COL24A1: variants seen among roughly 807,000 people sequenced by gnomAD.
The protein encoded by COL24A1 is collagen type XXIV alpha 1 chain, also known as collagen alpha-1(XXIV) chain.
COL24A1 carries 224 observed loss-of-function variants against 253.9 expected under a neutral mutation model. The ratio of observed to expected loss-of-function variants is 0.88; its 90% CI spans 0.79 to 0.99. COL24A1 has a LOEUF of 0.99. Ranked by LOEUF, COL24A1 falls within the 50% of genes least tolerant of loss-of-function variation. The probability of loss-of-function intolerance (pLI) is 0.00; values close to 1 mark genes in which losing one functional copy is unlikely to be tolerated. For synonymous variants in COL24A1, 685 were observed against 673.7 expected, an observed-to-expected ratio of 1.02 and a Z score of -0.26; for missense variants, 2,131 against 2,068.5, an observed-to-expected ratio of 1.03 and a Z score of -0.59.
chr1:85,846,061 T>C (rs1272399257), intron 39 of COL24A1, among the ~76,000 whole-genome samples: 1 of 151,564 alleles, frequency 6.6e-6, no homozygotes, highest in Non-Finnish European at 1.5e-5. Context: ...GAGAATAAAG[T>C]AGAAGAAAAA....
chr1:86,077,299 T>A (rs541537567), intron 7 of COL24A1, among the ~76,000 whole-genome samples: 1 of 152,228 alleles, frequency 6.6e-6, no homozygotes, highest in South Asian at 2.1e-4. Flanking sequence ...TACCATCTCA[T>A]GCCAGTTAGA....
chr1:85,796,338 G>A (rs942604907), intron 47 of COL24A1, among the ~76,000 whole-genome samples: 1 of 152,106 alleles, frequency 6.6e-6, no homozygotes, highest in African/African-American at 2.4e-5. Context: ...TAGTGCAAAT[G>A]TCACTATGAT....
chr1:85,975,465 C>G (rs963343326), intron 20 of COL24A1, among the ~76,000 whole-genome samples: 2 of 152,114 alleles, frequency 1.3e-5, no homozygotes, highest in African/African-American at 4.8e-5. Flanking sequence ...TTTGCCACAA[C>G]AAGGCTAGAA....
intron 5 of COL24A1, among the ~76,000 whole-genome samples, chr1:86,106,431 T>G (rs1384951863): frequency 6.6e-6 from 1 of 152,154 alleles, no homozygotes; most frequent in Non-Finnish European, 1.5e-5. Context: ...ATATAAGACA[T>G]GAATGTTTGT....
chr1:86,140,104 G>A (rs1347187262), intron 2 of COL24A1, among the ~76,000 whole-genome samples: 1 of 152,186 alleles, frequency 6.6e-6, no homozygotes, highest in Admixed American at 6.5e-5. Context: ...GTATCCTTAT[G>A]TAACAGGCAC....
At chr1:85,835,640 A>C (rs941441514) in intron 43 of COL24A1, among the ~76,000 whole-genome samples, 1 of 152,212 alleles carries the variant, frequency 6.6e-6, no homozygotes, top group African/African-American at 2.4e-5. Context: ...CTTTTAAAAC[A>C]CTGTGCCAGA....
At chr1:86,026,854 T>C (rs1373410947) in intron 14 of COL24A1, among the ~76,000 whole-genome samples, 1 of 152,168 alleles carries the variant, frequency 6.6e-6, no homozygotes, top group African/African-American at 2.4e-5. Flanking sequence ...GAATGGCTTT[T>C]ATCAAAATCC....
chr1:85,868,872 T>C, intron 35 of COL24A1, 37 bp from the exon 36 acceptor site: 1 of 1,436,416 alleles, frequency 7.0e-7, no homozygotes. Flanking sequence ...TGAGTTTTTT[T>C]TTGCTATATC....
At chr1:85,888,796 G>A (rs982161361) in intron 32 of COL24A1, among the ~76,000 whole-genome samples, 16 of 152,104 alleles carry the variant, frequency 1.1e-4, no homozygotes, top group Admixed American at 7.2e-4. Flanking sequence ...TTTAGTGTTA[G>A]AATTTTCCAT....
intron 47 of COL24A1, among the ~76,000 whole-genome samples, chr1:85,797,207 C>CA (rs1181001829): frequency 0.45 from 29,152 of 65,250 alleles, 6,062 homozygotes; most frequent in East Asian, 0.53. Context: ...GACTCCGTCT[C>CA]AAAAAAAAAA....
intron 22 of COL24A1, among the ~76,000 whole-genome samples, 183 bp from the exon 23 acceptor site, chr1:85,965,245 T>C (rs767199619): frequency 2.0e-5 from 3 of 152,112 alleles, no homozygotes; most frequent in South Asian, 2.1e-4. Flanking sequence ...CTGTCTACTA[T>C]GTGCCATGAA....
At chr1:85,784,812 C>A (rs893229709) in intron 48 of COL24A1, among the ~76,000 whole-genome samples, 1 of 151,996 alleles carries the variant, frequency 6.6e-6, no homozygotes, top group African/African-American at 2.4e-5. Context: ...CTTACTGCAG[C>A]CTTAAACTCC....
intron 39 of COL24A1, among the ~76,000 whole-genome samples, chr1:85,842,932 G>T (rs1221192894): frequency 6.6e-6 from 1 of 152,080 alleles, no homozygotes; most frequent in Non-Finnish European, 1.5e-5. Flanking sequence ...TTTATAGATG[G>T]TGAAACCATG....
chr1:85,945,020 T>TTTTTTTTTTTTG (rs1689184324), intron 24 of COL24A1, among the ~76,000 whole-genome samples: 1 of 91,622 alleles, frequency 1.1e-5, no homozygotes, highest in African/African-American at 3.9e-5. Flanking sequence ...TTTTTTTTTT[T>TTTTTTTTTTTTG]TTTTTTTTTT....
intron 24 of COL24A1, among the ~76,000 whole-genome samples, chr1:85,918,130 T>G (rs985489664): frequency 1.5e-5 from 1 of 68,732 alleles, no homozygotes; most frequent in Admixed American, 2.1e-4. Context: ...GTGGTTTTTG[T>G]TTTTTTTTTT....
chr1:86,058,476 T>G (rs1481804376), intron 9 of COL24A1, among the ~76,000 whole-genome samples: 11 of 151,214 alleles, frequency 7.3e-5, no homozygotes, highest in Admixed American at 5.9e-4. Flanking sequence ...GGAATTTTGT[T>G]AACAATTTTT....
intron 55 of COL24A1, among the ~76,000 whole-genome samples, chr1:85,747,879 T>C (rs748747225): frequency 6.6e-6 from 1 of 152,204 alleles, no homozygotes; most frequent in African/African-American, 2.4e-5. Context: ...GTCTGTTTTA[T>C]ACTTTCATAG....
intron 24 of COL24A1, among the ~76,000 whole-genome samples, chr1:85,926,925 G>A (rs1687319451): frequency 6.6e-6 from 1 of 152,146 alleles, no homozygotes; most frequent in South Asian, 2.1e-4. Context: ...TCTGTGTGAT[G>A]TGGGAAGGTT....
chr1:85,867,494 A>C (rs1679920313), intron 37 of COL24A1, among the ~76,000 whole-genome samples: 1 of 152,246 alleles, frequency 6.6e-6, no homozygotes, highest in Non-Finnish European at 1.5e-5. Context: ...GCCAGAGTAC[A>C]GAAGAAAGAG....
Sources: gnomAD v4.1 joint callset for allele counts (sites outside exome capture counted in the v4.1 genomes callset) on GRCh38, gnomAD v4.1.1 for gene constraint, MANE v1.5 for transcripts, NCBI Gene and HGNC (gene_info 2026-07-23, HGNC 2026-07-21) for gene names.